Variants in RIMBP2 observed in about 807,000 individuals in gnomAD.
RIMBP2 encodes the protein RIMS binding protein 2, also known as RIMS-binding protein 2.
In RIMBP2, 48 loss-of-function variants were observed where a neutral mutation model predicts 118.6. The observed-to-expected ratio is 0.40, with a 90% CI of 0.32 to 0.51. The LOEUF is 0.51. Among genes scored for constraint, RIMBP2 ranks in the 20% least tolerant of loss-of-function variants. The probability of loss-of-function intolerance (pLI) is 0.41; values close to 1 mark genes in which losing one functional copy is unlikely to be tolerated. For synonymous variants in RIMBP2, 762 were observed against 742.9 expected (o/e 1.03, Z -0.42); for missense variants, 1,551 against 1,768.3 (o/e 0.88, Z 2.20).
At chr12:130,514,478 G>C (rs986750069) in intron 3 of RIMBP2, among the ~76,000 whole-genome samples, 1 of 152,254 alleles carries the variant, frequency 6.6e-6, no homozygotes. Flanking sequence ...TTGCTGGCCT[G>C]GTCAATGCCT....
In RIMBP2 at chr12:130,633,256, A is replaced by G. The variant is rs188593657; in HGVS notation, c.-351-4800T>C. Among the ~76,000 whole-genome samples, 366 of 152,346 alleles carry G rather than the reference A, an allele frequency of 2.4e-3. 3 individuals carry two copies. The highest frequency in any genetic ancestry group is 3.7e-3 in the South Asian group (18 of 4,824). ...ACTTTGTCTCATCATTTGAGCTCAA[A>G]GAATTGAAAATGTTGCACAAAAATT... is the stretch of plus-strand genomic sequence containing the variant. On this transcript the variant is annotated intron_variant, in intron 1 of 22. Coordinates refer to ENST00000690449, the MANE Select transcript of RIMBP2 (RefSeq NM_001393629.1).
At chr12:130,654,177 A>C (rs547688570) in intron 1 of RIMBP2, among the ~76,000 whole-genome samples, 1 of 152,334 alleles carries the variant, frequency 6.6e-6, no homozygotes, top group South Asian at 2.1e-4. Context: ...TGAAACTTTT[A>C]TGCTCTGCTT....
chr12:130,416,111 G>A (rs1408177039), intron 17 of RIMBP2, among the ~76,000 whole-genome samples: 1 of 152,182 alleles, frequency 6.6e-6, no homozygotes, highest in Non-Finnish European at 1.5e-5. Context: ...AATATTCCAT[G>A]CTCATGGGTT....
intron 4 of RIMBP2, among the ~76,000 whole-genome samples, chr12:130,479,618 C>G (rs1402394091): frequency 7.9e-6 from 1 of 126,874 alleles, no homozygotes; most frequent in African/African-American, 4.6e-5. Context: ...GGCCTCGGGC[C>G]GAGTCCGCAC....
At chr12:130,643,180 T>A (rs753729655) in intron 1 of RIMBP2, among the ~76,000 whole-genome samples, 17 of 151,954 alleles carry the variant, frequency 1.1e-4, no homozygotes, top group Admixed American at 2.6e-4. Context: ...CCGGTGAGAG[T>A]TCCCCCCTGC....
At position 130,589,223 on chromosome 12, in the gene RIMBP2, G is replaced by A. The variant is rs191267254; in HGVS notation, c.-217+39099C>T. On this transcript the variant is annotated intron_variant, in intron 2 of 22. Coordinates refer to ENST00000690449, the MANE Select transcript of RIMBP2 (RefSeq NM_001393629.1). ...ACCCAATTAATTCCAGCAAAGTAAC[G>A]TGGGCTCTTTCATCAAAAGATTCTT... Among the ~76,000 whole-genome samples the A allele has an allele frequency of 5.3e-5, 8 of 152,268 alleles. No homozygotes were observed. In the East Asian group the frequency reaches 9.6e-4, roughly 18 times the overall value.
intron 1 of RIMBP2, among the ~76,000 whole-genome samples, chr12:130,701,913 C>T (rs887896022): frequency 1.3e-5 from 2 of 152,064 alleles, no homozygotes; most frequent in Non-Finnish European, 1.5e-5. Context: ...GCAGCCCACA[C>T]ACGTATGTTC....
intron 2 of RIMBP2, among the ~76,000 whole-genome samples, chr12:130,610,781 C>T (rs529259663): frequency 2.6e-5 from 4 of 151,754 alleles, no homozygotes; most frequent in East Asian, 3.9e-4. Context: ...AGGATGGTCT[C>T]GATCTCCTGA....
intron 1 of RIMBP2, among the ~76,000 whole-genome samples, chr12:130,673,846 C>T (rs1006596743): frequency 1.3e-5 from 2 of 152,012 alleles, no homozygotes; most frequent in Non-Finnish European, 2.9e-5. Context: ...CGGTGGCTTA[C>T]GCCTATAATC....
At chr12:130,518,418 G>T (rs1441486403) in intron 2 of RIMBP2, among the ~76,000 whole-genome samples, 1 of 152,178 alleles carries the variant, frequency 6.6e-6, no homozygotes, top group East Asian at 1.9e-4. Context: ...AAATAGGCAG[G>T]GAGAATTAAG....
In RIMBP2 at chr12:130,688,956, G is replaced by A. The variant is rs2065192901; in HGVS notation, c.-352+27266C>T. Among the ~76,000 whole-genome samples, 1 of 152,278 alleles carries A rather than the reference G, an allele frequency of 6.6e-6. No homozygotes were observed. Among genetic ancestry groups the A allele is most frequent in the Admixed American group, 6.5e-5 (1 of 15,294 alleles). ...GTCGCAGGCAGCAGAGAACTGCCCA[G>A]TGTGCGCCGATATCCTCTGTCCCTT... On this transcript the variant is annotated intron_variant, in intron 1 of 22. Coordinates refer to ENST00000690449, the MANE Select transcript of RIMBP2 (RefSeq NM_001393629.1). This position sits in a 1 kb window ranked among gnomAD's most constrained non-coding sequence, Gnocchi z 4.7.
At chr12:130,654,364 G>A (rs1429850117) in intron 1 of RIMBP2, among the ~76,000 whole-genome samples, 2 of 152,208 alleles carry the variant, frequency 1.3e-5, no homozygotes, top group Admixed American at 1.3e-4. Flanking sequence ...CTAGGACACA[G>A]ATACAATGCA....
At chr12:130,407,445 T>C (rs974814380) in intron 20 of RIMBP2, among the ~76,000 whole-genome samples, 9 of 152,192 alleles carry the variant, frequency 5.9e-5, no homozygotes, top group African/African-American at 1.9e-4. Context: ...GGCATCACCA[T>C]TAGATGTGGA....
chr12:130,414,195 G>A lies in RIMBP2; in HGVS notation c.3350C>T (p.Pro1117Leu), dbSNP rs769627450. The part of the protein sequence containing the change: ...RIFVALFDYD[P>L]LTMSPNPDAA... ...ATCTGGGTTTGGGGACATGGTGAGC[G>A]GGTCGTAGTCAAAGAGAGCCACAAA... Residue 1117 changes from proline (P) to leucine (L), a missense_variant, in exon 18 of 23, where the codon CCG becomes CTG. By Grantham distance (98) the Pro-to-Leu change is moderately conservative. This residue lies in a region of RIMBP2 where 1,038 missense variants were observed against 1,125.1 expected (regional missense o/e 0.92). Transcript: ENST00000690449. The A allele has an allele frequency of 3.1e-6, 5 of 1,614,214 alleles. No individual in the cohort carries two copies. Among genetic ancestry groups the A allele is most frequent in the Middle Eastern group, 1.6e-4 (1 of 6,062 alleles).
chr12:130,640,507 C>G (rs531860345), intron 1 of RIMBP2, among the ~76,000 whole-genome samples: 1 of 152,338 alleles, frequency 6.6e-6, no homozygotes, highest in African/African-American at 2.4e-5. Context: ...TAACACTATT[C>G]GTGTCTGTAA....
intron 12 of RIMBP2, 49 bp from the exon 13 acceptor site, chr12:130,437,340 G>C (rs756506194): frequency 6.7e-7 from 1 of 1,484,172 alleles, no homozygotes; most frequent in Non-Finnish European, 9.1e-7. Flanking sequence ...TGAGCCCCGC[G>C]GTCCTGCAAT....
intron 1 of RIMBP2, among the ~76,000 whole-genome samples, chr12:130,696,047 G>T (rs746507281): frequency 7.9e-5 from 12 of 152,184 alleles, no homozygotes; most frequent in Non-Finnish European, 1.3e-4. Flanking sequence ...TCACCAAGGG[G>T]AGATGCTACA....
At chr12:130,575,927 C>T (rs563787083) in intron 2 of RIMBP2, among the ~76,000 whole-genome samples, 1 of 152,240 alleles carries the variant, frequency 6.6e-6, no homozygotes, top group South Asian at 2.1e-4. Context: ...TCTTTACTTC[C>T]CCGGAAAGCT....
chr12:130,556,193 C>A (rs2056338946), intron 2 of RIMBP2, among the ~76,000 whole-genome samples: 1 of 152,164 alleles, frequency 6.6e-6, no homozygotes, highest in Non-Finnish European at 1.5e-5. Flanking sequence ...ACAGCAGGCC[C>A]ACCCTGGCAA....
Sources: allele counts gnomAD v4.1 joint callset (sites outside exome capture counted in the v4.1 genomes callset), GRCh38; gene constraint gnomAD v4.1.1; regional missense constraint gnomAD v4.1.1; non-coding constraint Gnocchi (gnomAD v3.1); transcripts MANE v1.5; gene names NCBI Gene and HGNC (gene_info 2026-07-23, HGNC 2026-07-21).